Variants in ZFHX3 observed in about 807,000 individuals in gnomAD.
The protein encoded by ZFHX3 is zinc finger homeobox protein 3.
Under a neutral mutation model 279.1 loss-of-function variants are expected in ZFHX3, and 42 were observed. That is an observed-to-expected ratio of 0.15 (90% CI 0.12 to 0.19). The LOEUF is 0.19. ZFHX3 is among the 10% of genes least tolerant of loss of function. The probability of loss-of-function intolerance (pLI) is 1.00; values close to 1 mark genes in which losing one functional copy is unlikely to be tolerated. For missense variants in ZFHX3, 4,981 were observed against 4,754.0 expected (o/e 1.05, Z -1.40); for synonymous variants, 2,293 against 1,957.8 (o/e 1.17, Z -4.52).
intron 4 of ZFHX3, among the ~76,000 whole-genome samples, chr16:73,277,461 A>G (rs751982515): frequency 1.3e-5 from 2 of 152,120 alleles, no homozygotes; most frequent in Non-Finnish European, 2.9e-5. Context: ...TCTTTATTAA[A>G]ATCCGAAAGC....
At chr16:73,682,924 G>GAAAGAGAAAGAA in intron 1 of ZFHX3, among the ~76,000 whole-genome samples, 1 of 43,498 alleles carries the variant, frequency 2.3e-5, no homozygotes, top group African/African-American at 7.6e-5. Flanking sequence ...AAGAGAGAAA[G>GAAAGAGAAAGAA]AGAAAGAAAG....
At chr16:73,682,592 C>T (rs540325188) in intron 1 of ZFHX3, among the ~76,000 whole-genome samples, 1 of 151,980 alleles carries the variant, frequency 6.6e-6, no homozygotes, top group South Asian at 2.1e-4. Flanking sequence ...TTGAGACCAG[C>T]CTGGCCAACA....
intron 8 of ZFHX3, among the ~76,000 whole-genome samples, chr16:73,085,985 C>CAAAAAAAAAAAAAAAAAAAAAAAAAA (rs57128744): frequency 1.8e-5 from 1 of 54,226 alleles, no homozygotes; most frequent in African/African-American, 6.1e-5. Flanking sequence ...AACTCAATTG[C>CAAAAAAAAAAAAAAAAAAAAAAAAAA]AAAAAAAAAA....
intron 4 of ZFHX3, among the ~76,000 whole-genome samples, chr16:73,270,089 T>G (rs2014099354): frequency 6.6e-6 from 1 of 152,162 alleles, no homozygotes. Flanking sequence ...CAGCAACATA[T>G]GCAAACTAAA....
intron 4 of ZFHX3, among the ~76,000 whole-genome samples, chr16:72,846,832 C>G (rs2037493743): frequency 6.6e-6 from 1 of 152,148 alleles, no homozygotes; most frequent in African/African-American, 2.4e-5. Flanking sequence ...GGGGGTAGAG[C>G]TGGCCTCACG....
chr16:73,345,544 A>G (rs552245783), intron 3 of ZFHX3, among the ~76,000 whole-genome samples: 1 of 152,116 alleles, frequency 6.6e-6, no homozygotes, highest in African/African-American at 2.4e-5. Flanking sequence ...TTCCAGCTCC[A>G]TCCATGTCCC....
rs8061620 is a variant in ZFHX3, at chr16:73,054,592, A to G, written c.-24+3938T>C. Among the ~76,000 whole-genome samples, 1,257 of 152,008 alleles carry G rather than the reference A, an allele frequency of 8.3e-3. 24 individuals are homozygous for G. The highest frequency in any genetic ancestry group is 0.029 in the African/African-American group (1,186 of 41,444). On this transcript the variant is annotated intron_variant, in intron 1 of 8. Coordinates refer to the ZFHX3 transcript ENST00000397992. ...AAATGAAAATTAATTTTTTTGGAAG[A>G]GGTGGCGAAGAGACAATACAGGGGA... is the stretch of plus-strand genomic sequence containing the variant.
chr16:73,571,836 G>A (rs1038028843), intron 2 of ZFHX3, among the ~76,000 whole-genome samples: 8 of 152,186 alleles, frequency 5.3e-5, no homozygotes, highest in African/African-American at 1.9e-4. Flanking sequence ...GAGTGTAGAA[G>A]GGCATTCCAA....
chr16:72,802,369 A>T (rs966723159), intron 7 of ZFHX3, among the ~76,000 whole-genome samples: 1 of 152,198 alleles, frequency 6.6e-6, no homozygotes, highest in Admixed American at 6.5e-5. Context: ...GGCAGTAAGC[A>T]GCGGTTCTTT....
chr16:73,296,363 T>G (rs1407384293), intron 4 of ZFHX3, among the ~76,000 whole-genome samples: 2 of 152,152 alleles, frequency 1.3e-5, no homozygotes, highest in Non-Finnish European at 2.9e-5. Flanking sequence ...TGGGAGAACT[T>G]TAATGGGCCT....
intron 2 of ZFHX3, among the ~76,000 whole-genome samples, chr16:73,627,354 G>C (rs993623358): frequency 1.3e-5 from 2 of 152,194 alleles, no homozygotes; most frequent in African/African-American, 2.4e-5. Flanking sequence ...AACCGGGCCA[G>C]ATAGGATCAG....
chr16:73,071,382 A>G (rs773825461), intron 8 of ZFHX3, among the ~76,000 whole-genome samples: 22 of 149,692 alleles, frequency 1.5e-4, no homozygotes, highest in Non-Finnish European at 2.1e-4. Flanking sequence ...GCCAGACCAC[A>G]GGTCCCAGCA....
chr16:73,236,337 C>T (rs1284380292), intron 5 of ZFHX3, among the ~76,000 whole-genome samples: 5 of 152,176 alleles, frequency 3.3e-5, no homozygotes, highest in Non-Finnish European at 7.3e-5. Context: ...GTGGCTCACG[C>T]CTGTAATCCC....
At chr16:73,169,958 T>G (rs1245122713) in intron 5 of ZFHX3, among the ~76,000 whole-genome samples, 1 of 152,184 alleles carries the variant, frequency 6.6e-6, no homozygotes, top group East Asian at 1.9e-4. Context: ...AATTGGTAGT[T>G]GCATATTTAT....
At chr16:72,993,155 A>C (rs1386327812) in intron 1 of ZFHX3, among the ~76,000 whole-genome samples, 2 of 152,144 alleles carry the variant, frequency 1.3e-5, no homozygotes, top group African/African-American at 4.8e-5. Flanking sequence ...AACAAAAAAA[A>C]CAAGAACTGC....
intron 8 of ZFHX3, among the ~76,000 whole-genome samples, chr16:73,087,773 C>T (rs987816543): frequency 1.3e-5 from 2 of 151,636 alleles, no homozygotes; most frequent in African/African-American, 2.4e-5. Flanking sequence ...CAGGAAATGT[C>T]TTAAATTGTA....
intron 5 of ZFHX3, among the ~76,000 whole-genome samples, chr16:73,220,191 G>C (rs1272044444): frequency 1.3e-5 from 2 of 152,162 alleles, no homozygotes; most frequent in African/African-American, 4.8e-5. Flanking sequence ...GGGACTACTA[G>C]AGAGGACAGG....
intron 3 of ZFHX3, among the ~76,000 whole-genome samples, chr16:72,933,561 T>C (rs1265737476): frequency 6.6e-6 from 1 of 152,162 alleles, no homozygotes; most frequent in Non-Finnish European, 1.5e-5. Flanking sequence ...TTTACAGCCT[T>C]CTCTTTATCC....
intron 5 of ZFHX3, among the ~76,000 whole-genome samples, chr16:73,168,599 C>T (rs1163934994): frequency 6.6e-6 from 1 of 152,148 alleles, no homozygotes; most frequent in Non-Finnish European, 1.5e-5. Context: ...AAATGTTCTA[C>T]TGAGCCCAAA....
Sources: gnomAD v4.1 joint callset for allele counts (sites outside exome capture counted in the v4.1 genomes callset) on GRCh38, gnomAD v4.1.1 for gene constraint, MANE v1.5 for transcripts, NCBI Gene and HGNC (gene_info 2026-07-23, HGNC 2026-07-21) for gene names.